ZNF892: variants seen among roughly 807,000 people sequenced by gnomAD.
ZNF892 encodes zinc finger protein 570-like.
At chr2:95,224,518 T>A in the ZNF892 span, among the ~76,000 whole-genome samples, 2 of 152,018 alleles carry the variant, frequency 1.3e-5, no homozygotes, top group African/African-American at 4.8e-5. Flanking sequence ...TCATCTTACA[T>A]GGCCAGAGCA....
chr2:95,218,804 A>G, the ZNF892 span, among the ~76,000 whole-genome samples: 1 of 152,190 alleles, frequency 6.6e-6, no homozygotes, highest in Non-Finnish European at 1.5e-5. Flanking sequence ...GTGTTCTCAC[A>G]TGACCTTTTC....
the ZNF892 span, among the ~76,000 whole-genome samples, chr2:95,243,759 G>A: frequency 6.6e-6 from 1 of 152,024 alleles, no homozygotes; most frequent in Admixed American, 6.5e-5. Context: ...CCCCGTCCGG[G>A]AGGTGAGGGG....
At chr2:95,208,047 A>G in the ZNF892 span, among the ~76,000 whole-genome samples, 1 of 152,198 alleles carries the variant, frequency 6.6e-6, no homozygotes, top group Non-Finnish European at 1.5e-5. Context: ...AAGGGAAAAT[A>G]TCAACACATC....
the ZNF892 span, among the ~76,000 whole-genome samples, chr2:95,262,404 C>T: frequency 3.9e-5 from 6 of 152,164 alleles, no homozygotes; most frequent in Admixed American, 1.3e-4. Context: ...AGTGCCCGGC[C>T]GAAAGTTCAT....
chr2:95,207,657 T>G, the ZNF892 span: 1 of 395,512 alleles, frequency 2.5e-6, no homozygotes, highest in Non-Finnish European at 4.5e-6. Context: ...CCCCTTTTAA[T>G]CTGAGTGTCC....
chr2:95,239,788 C>A, the ZNF892 span, among the ~76,000 whole-genome samples: 1 of 152,108 alleles, frequency 6.6e-6, no homozygotes, highest in African/African-American at 2.4e-5. Flanking sequence ...CCACCACACC[C>A]AGCTACTTTT....
the ZNF892 span, among the ~76,000 whole-genome samples, chr2:95,249,262 A>G: frequency 9.7e-6 from 1 of 102,960 alleles, no homozygotes; most frequent in African/African-American, 3.8e-5. Flanking sequence ...TTTTTCTGAG[A>G]CAGAGCCTTG....
At chr2:95,239,976 T>C in the ZNF892 span, among the ~76,000 whole-genome samples, 16 of 152,288 alleles carry the variant, frequency 1.1e-4, no homozygotes, top group Middle Eastern at 3.4e-3. Flanking sequence ...AAACAAAAAA[T>C]TTGTGTCACT....
the ZNF892 span, among the ~76,000 whole-genome samples, chr2:95,217,910 C>A: frequency 6.6e-6 from 1 of 152,160 alleles, no homozygotes; most frequent in Non-Finnish European, 1.5e-5. Flanking sequence ...CAGGAGGCAT[C>A]CCCAATGGTC....
At chr2:95,214,612 A>G in the ZNF892 span, 1 of 399,794 alleles carries the variant, frequency 2.5e-6, no homozygotes, top group African/African-American at 2.1e-5. Flanking sequence ...GAGAGACTAC[A>G]TCATTGTGAT....
At chr2:95,214,213 G>A in the ZNF892 span, 1 of 396,140 alleles carries the variant, frequency 2.5e-6, no homozygotes, top group East Asian at 3.6e-5. Flanking sequence ...TCAAGTTCAT[G>A]TGTTCCCTGT....
chr2:95,228,362 C>G, the ZNF892 span, among the ~76,000 whole-genome samples: 5 of 152,192 alleles, frequency 3.3e-5, no homozygotes, highest in African/African-American at 1.2e-4. Flanking sequence ...CCTGGGAGTT[C>G]AAGGTTATAG....
chr2:95,254,160 G>A, the ZNF892 span, among the ~76,000 whole-genome samples: 4 of 152,266 alleles, frequency 2.6e-5, no homozygotes, highest in Non-Finnish European at 5.9e-5. Context: ...TCTTGTGCCA[G>A]TTTTCAAAGG....
At chr2:95,224,791 G>A in the ZNF892 span, among the ~76,000 whole-genome samples, 1 of 152,190 alleles carries the variant, frequency 6.6e-6, no homozygotes, top group South Asian at 2.1e-4. Flanking sequence ...GGGCCTAATG[G>A]GAGGTCAATG....
At chr2:95,262,408 A>T in the ZNF892 span, among the ~76,000 whole-genome samples, 2 of 152,204 alleles carry the variant, frequency 1.3e-5, no homozygotes, top group Non-Finnish European at 1.5e-5. Context: ...CCCGGCCGAA[A>T]GTTCATGTTT....
the ZNF892 span, among the ~76,000 whole-genome samples, chr2:95,227,575 G>T: frequency 6.6e-6 from 1 of 151,458 alleles, no homozygotes; most frequent in Non-Finnish European, 1.5e-5. Flanking sequence ...ACCTGCTTCA[G>T]CCTCCCAAAG....
the ZNF892 span, among the ~76,000 whole-genome samples, chr2:95,248,432 C>T: frequency 6.6e-6 from 1 of 152,166 alleles, no homozygotes. Context: ...ATACTCCAAA[C>T]CTCAGCATCA....
the ZNF892 span, among the ~76,000 whole-genome samples, chr2:95,221,788 CA>C: frequency 6.6e-6 from 1 of 152,032 alleles, no homozygotes; most frequent in African/African-American, 2.4e-5. Context: ...TGAACTTTTG[CA>C]AAAATCAACT....
chr2:95,262,038 C>T, the ZNF892 span, among the ~76,000 whole-genome samples: 6 of 152,350 alleles, frequency 3.9e-5, no homozygotes, highest in South Asian at 4.1e-4. Flanking sequence ...ATTTCGTTTA[C>T]GCTTGACAAG....
Sources: gnomAD v4.1 joint callset for allele counts (sites outside exome capture counted in the v4.1 genomes callset) on GRCh38, gnomAD v4.1.1 for gene constraint, MANE v1.5 for transcripts, NCBI Gene and HGNC (gene_info 2026-07-23, HGNC 2026-07-21) for gene names.